Variants in GPHN observed in about 807,000 individuals in gnomAD.
The protein encoded by GPHN is gephyrin.
A neutral mutation model predicts 95.5 loss-of-function variants in GPHN; 17 were observed. The ratio of observed to expected loss-of-function variants is 0.18; its 90% CI spans 0.12 to 0.27. GPHN has a LOEUF of 0.27. Among genes scored for constraint, GPHN ranks in the 10% least tolerant of loss-of-function variants. The pLI is 1.00. For synonymous variants in GPHN, 320 were observed against 322.5 expected, an observed-to-expected ratio of 0.99 and a Z score of 0.08; for missense variants, 660 against 978.1, an observed-to-expected ratio of 0.67 and a Z score of 4.34.
chr14:67,541,858 C>T, the GPHN span: 3 of 1,587,158 alleles, frequency 1.9e-6, no homozygotes, highest in South Asian at 1.2e-5. Flanking sequence ...ATCCAGAAGT[C>T]GATTCCATCA....
the GPHN span, among the ~76,000 whole-genome samples, chr14:67,464,112 G>T: frequency 6.6e-6 from 1 of 152,202 alleles, no homozygotes; most frequent in South Asian, 2.1e-4. Context: ...GAGAGAAAGA[G>T]AGCAGCCCTG....
intron 17 of GPHN, among the ~76,000 whole-genome samples, chr14:67,142,827 A>T (rs965607451): frequency 6.6e-6 from 1 of 152,218 alleles, no homozygotes; most frequent in African/African-American, 2.4e-5. Context: ...CACAGGCTTA[A>T]CCATTATTCC....
the GPHN span, chr14:67,359,952 T>C: frequency 3.6e-6 from 2 of 553,750 alleles, no homozygotes; most frequent in Non-Finnish European, 6.4e-6. Context: ...ACCCCTCAAT[T>C]CCGGTTCGCC....
chr14:66,516,206 C>CA (rs554102154), intron 1 of GPHN, among the ~76,000 whole-genome samples: 223 of 148,786 alleles, frequency 1.5e-3, no homozygotes, highest in African/African-American at 5.1e-3. Flanking sequence ...TTAGTAGAGA[C>CA]AGAGTTTTAC....
the GPHN span, among the ~76,000 whole-genome samples, chr14:67,512,883 C>T: frequency 6.6e-6 from 1 of 152,162 alleles, no homozygotes; most frequent in African/African-American, 2.4e-5. Flanking sequence ...CTGATAAAAA[C>T]TACACTTTTA....
intron 2 of GPHN, among the ~76,000 whole-genome samples, chr14:66,693,175 A>G (rs977405476): frequency 6.6e-6 from 1 of 152,130 alleles, no homozygotes; most frequent in Non-Finnish European, 1.5e-5. Flanking sequence ...TTAATAAAAG[A>G]TAGCTAAATT....
intron 4 of GPHN, among the ~76,000 whole-genome samples, chr14:66,860,213 C>A (rs2062971800): frequency 3.9e-5 from 6 of 151,946 alleles, no homozygotes; most frequent in Admixed American, 3.9e-4. Flanking sequence ...AGAAAGAATC[C>A]TAAAAGCACC....
In GPHN at chr14:66,837,590, A is replaced by G. The variant is rs544553156; in HGVS notation, c.294+13024A>G. The stretch of plus-strand genomic sequence containing the variant: ...GCACATGTACCCTAAAACTTAAAGT[A>G]TAATAAAAATAAATAAATAAATAAA... On this transcript the variant is annotated intron_variant, in intron 4 of 22. Coordinates refer to ENST00000478722, the MANE Select transcript of GPHN (RefSeq NM_020806.5). Among the ~76,000 whole-genome samples the G allele has an allele frequency of 4.3e-3, 628 of 146,302 alleles. 1 individual carries two copies. The highest frequency in any genetic ancestry group is 6.5e-3 in the Non-Finnish European group (436 of 67,386).
At chr14:67,318,534 T>C in the GPHN span, among the ~76,000 whole-genome samples, 3 of 152,200 alleles carry the variant, frequency 2.0e-5, no homozygotes, top group African/African-American at 7.2e-5. Context: ...ACTGAGTCTA[T>C]AAATTAAAAT....
the GPHN span, chr14:67,278,955 C>G: frequency 2.4e-6 from 1 of 418,402 alleles, no homozygotes; most frequent in Non-Finnish European, 4.2e-6. Flanking sequence ...GAAGTGGGCT[C>G]TGTAAAAACC....
At chr14:67,112,392 AT>A (rs1418659313) in intron 15 of GPHN, among the ~76,000 whole-genome samples, 20 of 152,198 alleles carry the variant, frequency 1.3e-4, no homozygotes, top group Admixed American at 8.5e-4. Context: ...ACCTTAAATT[AT>A]TTTTCTTAAA....
chr14:67,275,967 C>A, the GPHN span, among the ~76,000 whole-genome samples: 1 of 151,924 alleles, frequency 6.6e-6, no homozygotes, highest in Non-Finnish European at 1.5e-5. Context: ...GGTGGTGATA[C>A]CCCCTTTATC....
chr14:67,236,399 A>T, the GPHN span, among the ~76,000 whole-genome samples: 1 of 152,102 alleles, frequency 6.6e-6, no homozygotes, highest in East Asian at 1.9e-4. Context: ...AGTCTAGCAC[A>T]CTTATGTTCA....
the GPHN span, among the ~76,000 whole-genome samples, chr14:67,273,868 A>G: frequency 1.3e-5 from 2 of 152,152 alleles, no homozygotes; most frequent in South Asian, 2.1e-4. Flanking sequence ...TTCTTTGATG[A>G]CCAGTGATAA....
chr14:67,459,031 G>A, the GPHN span, among the ~76,000 whole-genome samples: 6 of 152,150 alleles, frequency 3.9e-5, no homozygotes, highest in African/African-American at 1.4e-4. Flanking sequence ...GGGATTACAG[G>A]CACCCGCCAC....
chr14:67,045,444 T>A (rs1037736705), intron 10 of GPHN, among the ~76,000 whole-genome samples: 1 of 151,396 alleles, frequency 6.6e-6, no homozygotes, highest in Non-Finnish European at 1.5e-5. Flanking sequence ...TTTGTCTCTC[T>A]CTGTCTCTGT....
At chr14:67,104,352 G>A (rs978805589) in intron 13 of GPHN, among the ~76,000 whole-genome samples, 4 of 152,128 alleles carry the variant, frequency 2.6e-5, no homozygotes, top group African/African-American at 9.7e-5. Context: ...GGTTTGAGTA[G>A]CAGAATAATG....
the GPHN span, among the ~76,000 whole-genome samples, chr14:67,191,916 C>A: frequency 6.6e-6 from 1 of 152,236 alleles, no homozygotes; most frequent in Admixed American, 6.5e-5. Flanking sequence ...CAGAAACGTA[C>A]AACCTAATGT....
At chr14:66,584,287 G>C (rs2061330751) in intron 1 of GPHN, among the ~76,000 whole-genome samples, 1 of 152,132 alleles carries the variant, frequency 6.6e-6, no homozygotes, top group Non-Finnish European at 1.5e-5. Context: ...GAGATTTTGG[G>C]CTGAGACGAT....
Sources: allele counts gnomAD v4.1 joint callset (sites outside exome capture counted in the v4.1 genomes callset), GRCh38; gene constraint gnomAD v4.1.1; transcripts MANE v1.5; gene names NCBI Gene and HGNC (gene_info 2026-07-23, HGNC 2026-07-21).